LTAP1: variants seen among roughly 807,000 people sequenced by gnomAD.
LTAP1 encodes the protein HCV NS5A-transactivated protein 4.
chr1:154,207,600 G>A, the LTAP1 span: 1 of 1,613,444 alleles, frequency 6.2e-7, no homozygotes, highest in Non-Finnish European at 8.5e-7. Context: ...TTAGGTCTTT[G>A]GCTGCTGACT....
the LTAP1 span, among the ~76,000 whole-genome samples, chr1:154,218,722 T>C: frequency 6.6e-6 from 1 of 152,216 alleles, no homozygotes; most frequent in Non-Finnish European, 1.5e-5. Context: ...CTACTATGTG[T>C]AGGTCCTGGC....
the LTAP1 span, chr1:154,214,342 A>C: frequency 1.4e-6 from 1 of 724,498 alleles, no homozygotes; most frequent in Admixed American, 2.3e-5. Flanking sequence ...TCTAACATAT[A>C]TCCAATAACA....
the LTAP1 span, among the ~76,000 whole-genome samples, chr1:154,215,252 T>C: frequency 6.6e-6 from 1 of 152,080 alleles, no homozygotes. Flanking sequence ...CCAAGTCAAA[T>C]TCATGGTATA....
the LTAP1 span, chr1:154,207,152 A>G: frequency 2.0e-4 from 57 of 279,860 alleles, 1 homozygote; most frequent in Admixed American, 2.5e-3. Flanking sequence ...TATGGCTGAA[A>G]CCAAGTGAAG....
At chr1:154,214,222 G>A in the LTAP1 span, among the ~76,000 whole-genome samples, 3 of 152,146 alleles carry the variant, frequency 2.0e-5, no homozygotes, top group Admixed American at 6.5e-5. Flanking sequence ...GTTGCAGTGA[G>A]CTGAGACTGC....
chr1:154,213,752 A>G, the LTAP1 span: 1 of 600,954 alleles, frequency 1.7e-6, no homozygotes, highest in Non-Finnish European at 2.9e-6. Context: ...TCTCTAATCT[A>G]GTACTTTCAA....
At chr1:154,212,591 C>T in the LTAP1 span, 15 of 1,613,992 alleles carry the variant, frequency 9.3e-6, no homozygotes, top group South Asian at 9.9e-5. Context: ...CATTAAGGAA[C>T]GGGGATGCCG....
chr1:154,214,978 G>C, the LTAP1 span, among the ~76,000 whole-genome samples: 341 of 151,932 alleles, frequency 2.2e-3, 2 homozygotes, highest in African/African-American at 7.9e-3. Flanking sequence ...CAGAGTAGCT[G>C]GGATTATAGG....
chr1:154,207,293 C>T, the LTAP1 span: 2 of 659,206 alleles, frequency 3.0e-6, no homozygotes, highest in South Asian at 1.9e-5. Context: ...GGGGAATTAC[C>T]CTTTAGACAC....
chr1:154,209,027 C>A, the LTAP1 span, among the ~76,000 whole-genome samples: 2 of 152,208 alleles, frequency 1.3e-5, no homozygotes, highest in Middle Eastern at 6.8e-3. Context: ...GGATTACAGC[C>A]GTGAGCCACC....
chr1:154,212,277 C>T, the LTAP1 span: 2 of 1,602,632 alleles, frequency 1.2e-6, no homozygotes, highest in African/African-American at 2.7e-5. Context: ...CAGTCCAACA[C>T]TACTGTACCA....
the LTAP1 span, chr1:154,212,461 T>C: frequency 6.2e-7 from 1 of 1,614,034 alleles, no homozygotes; most frequent in African/African-American, 1.3e-5. Flanking sequence ...GGCTTACCCC[T>C]GTCCCATAGC....
chr1:154,209,276 T>TTC, the LTAP1 span, among the ~76,000 whole-genome samples: 22 of 151,954 alleles, frequency 1.4e-4, no homozygotes, highest in Non-Finnish European at 7.4e-5. Context: ...GTCTCTGAGT[T>TTC]TGACTACCTA....
chr1:154,212,736 A>C, the LTAP1 span: 1 of 1,170,600 alleles, frequency 8.5e-7, no homozygotes, highest in Non-Finnish European at 1.2e-6. Context: ...ATCTTGGCTC[A>C]CTGCAACCTC....
At chr1:154,219,699 C>T in the LTAP1 span, 3 of 684,934 alleles carry the variant, frequency 4.4e-6, 1 homozygote, top group East Asian at 8.6e-5. Flanking sequence ...ACAGTGCCTG[C>T]TCAACTTAGT....
chr1:154,209,713 C>T, the LTAP1 span, among the ~76,000 whole-genome samples: 23 of 151,546 alleles, frequency 1.5e-4, no homozygotes, highest in African/African-American at 5.1e-4. Context: ...CAGCCTCCCA[C>T]GTAGCTGGGA....
the LTAP1 span, chr1:154,220,487 G>A: frequency 6.5e-7 from 1 of 1,540,486 alleles, no homozygotes; most frequent in Admixed American, 1.7e-5. Flanking sequence ...CGAAGCGACG[G>A]CGCCTGGGTC....
At chr1:154,214,149 T>C in the LTAP1 span, among the ~76,000 whole-genome samples, 1 of 152,120 alleles carries the variant, frequency 6.6e-6, no homozygotes, top group African/African-American at 2.4e-5. Context: ...TGGTGGCGCA[T>C]GCCTGTAATC....
chr1:154,219,745 A>G, the LTAP1 span: 1 of 944,568 alleles, frequency 1.1e-6, no homozygotes, highest in East Asian at 2.6e-5. Flanking sequence ...GAAACATGAG[A>G]ATTAAAGTCA....
Sources: gnomAD v4.1 joint callset for allele counts (sites outside exome capture counted in the v4.1 genomes callset) on GRCh38, gnomAD v4.1.1 for gene constraint, MANE v1.5 for transcripts, NCBI Gene and HGNC (gene_info 2026-07-23, HGNC 2026-07-21) for gene names.